The following SLX4IP variants were observed in gnomAD, a reference collection of about 807,000 sequenced individuals.
SLX4IP encodes protein SLX4IP.
Under a neutral mutation model 32.9 loss-of-function variants are expected in SLX4IP, and 34 were observed. The ratio of observed to expected loss-of-function variants is 1.03; its 90% CI spans 0.79 to 1.38. The LOEUF (loss-of-function observed/expected upper bound fraction) is 1.38. Ranked by LOEUF, SLX4IP falls within the 40% of genes most tolerant of loss-of-function variation. The probability of loss-of-function intolerance (pLI) is 0.00; values close to 1 mark genes in which losing one functional copy is unlikely to be tolerated. For synonymous variants in SLX4IP, 172 were observed against 171.7 expected, an observed-to-expected ratio of 1.00 and a Z score of -0.01; for missense variants, 444 against 479.0, an observed-to-expected ratio of 0.93 and a Z score of 0.68.
chr20:10,464,185 T>C (rs1371118011), intron 2 of SLX4IP, among the ~76,000 whole-genome samples: 3 of 151,896 alleles, frequency 2.0e-5, no homozygotes, highest in African/African-American at 7.3e-5. Flanking sequence ...ATTTTGTTTT[T>C]TTGTTTGTTT....
intron 5 of SLX4IP, among the ~76,000 whole-genome samples, chr20:10,599,867 G>T (rs2066821090): frequency 6.6e-6 from 1 of 152,038 alleles, no homozygotes; most frequent in African/African-American, 2.4e-5. Context: ...AGAGCAAAAG[G>T]GTACAGAAGT....
At chr20:10,606,422 G>C (rs2066906531) in intron 6 of SLX4IP, among the ~76,000 whole-genome samples, 1 of 152,048 alleles carries the variant, frequency 6.6e-6, no homozygotes, top group Non-Finnish European at 1.5e-5. Context: ...AATAAGTAGT[G>C]GATGACTTTT....
At chr20:10,561,901 T>G (rs1056637925) in intron 4 of SLX4IP, among the ~76,000 whole-genome samples, 1 of 152,226 alleles carries the variant, frequency 6.6e-6, no homozygotes, top group African/African-American at 2.4e-5. Flanking sequence ...TAATTTCCTT[T>G]GGGCTCATCC....
intron 1 of SLX4IP, among the ~76,000 whole-genome samples, chr20:10,443,103 G>A (rs536717410): frequency 1.3e-5 from 2 of 152,148 alleles, no homozygotes; most frequent in African/African-American, 4.8e-5. Flanking sequence ...TATAACTGAA[G>A]TATTATTTAT....
chr20:10,533,008 C>G (rs1600971354), intron 2 of SLX4IP, among the ~76,000 whole-genome samples: 1 of 152,106 alleles, frequency 6.6e-6, no homozygotes, highest in East Asian at 1.9e-4. Flanking sequence ...AACTCCTGAC[C>G]TCGTGATTTG....
At chr20:10,496,844 T>G (rs2065672460) in intron 2 of SLX4IP, among the ~76,000 whole-genome samples, 1 of 152,180 alleles carries the variant, frequency 6.6e-6, no homozygotes, top group South Asian at 2.1e-4. Flanking sequence ...TCATCTACAG[T>G]ATCTCTCATG....
At chr20:10,610,784 T>C (rs2122559763) in intron 6 of SLX4IP, among the ~76,000 whole-genome samples, 1 of 152,372 alleles carries the variant, frequency 6.6e-6, no homozygotes, top group Non-Finnish European at 1.5e-5. Flanking sequence ...CATGCTTGTG[T>C]GTTTCCATCT....
intron 1 of SLX4IP, among the ~76,000 whole-genome samples, chr20:10,457,660 G>A (rs1049359285): frequency 6.6e-6 from 1 of 151,786 alleles, no homozygotes; most frequent in African/African-American, 2.4e-5. Flanking sequence ...TTGATGTGTG[G>A]TTTTCTTGTG....
intron 2 of SLX4IP, among the ~76,000 whole-genome samples, chr20:10,466,003 G>T (rs2065377656): frequency 6.6e-6 from 1 of 152,192 alleles, no homozygotes; most frequent in South Asian, 2.1e-4. Flanking sequence ...TGCAGGTGTG[G>T]GGTAAGTTAG....
At chr20:10,502,500 C>G (rs576257665) in intron 2 of SLX4IP, among the ~76,000 whole-genome samples, 2 of 152,060 alleles carry the variant, frequency 1.3e-5, no homozygotes, top group Non-Finnish European at 2.9e-5. Flanking sequence ...GCTCACAAAC[C>G]CACTCACTTT....
intron 2 of SLX4IP, among the ~76,000 whole-genome samples, chr20:10,496,976 T>A (rs1025727932): frequency 6.6e-6 from 1 of 152,250 alleles, no homozygotes; most frequent in Non-Finnish European, 1.5e-5. Flanking sequence ...CAGTGTTTTC[T>A]TAATATAAAA....
chr20:10,513,760 G>A (rs1258913982), intron 2 of SLX4IP, among the ~76,000 whole-genome samples: 1 of 152,208 alleles, frequency 6.6e-6, no homozygotes, highest in Admixed American at 6.5e-5. Flanking sequence ...TTGCCCCTCT[G>A]CAGCAGAGTA....
intron 2 of SLX4IP, among the ~76,000 whole-genome samples, chr20:10,507,881 G>A (rs376289255): frequency 8.9e-4 from 133 of 149,616 alleles, no homozygotes; most frequent in African/African-American, 2.8e-3. Context: ...AGGCATACAA[G>A]GAGCAGAGGG....
chr20:10,602,285 CCTCT>C lies in SLX4IP; in HGVS notation c.405+485_405+488del, dbSNP rs141021766. On this transcript the variant is annotated intron_variant, in intron 6 of 7. Transcript: ENST00000334534. ...CATAGCTGATAGGGTTCATTTTCTC[CCTCT>C]CTCTCTCTCTCTCTCTCTGTCTCTC... Among the ~76,000 whole-genome samples the C allele has an allele frequency of 8.2e-4, 121 of 147,484 alleles. No individual in the cohort carries two copies. The East Asian group carries it at 0.014, about 17-fold the overall frequency.
At position 10,518,479 on chromosome 20, in the gene SLX4IP, T is replaced by TCC. The variant is rs1568720258; in HGVS notation, c.28-37752_28-37751insCC. ...CCTTCCTTCCTTTCCTTTCTTTTCC[T>TCC]TTCCTTTCCTTTTCCTTCCTTCCTT... On this transcript the variant is annotated intron_variant, in intron 2 of 7. Transcript: ENST00000334534. Among the ~76,000 whole-genome samples the TCC allele has an allele frequency of 2.5e-3, 112 of 45,192 alleles. 2 individuals are homozygous for TCC. The highest frequency in any genetic ancestry group is 3.7e-3 in the Non-Finnish European group (62 of 16,934). 29.6% of individuals were successfully genotyped at this position (45,192 alleles called of 152,430 possible). A position where few individuals can be genotyped will look rare whatever the true frequency, so the allele number is the denominator to read the frequency against.
At chr20:10,569,175 ATTTTTTT>A (rs555310488) in intron 4 of SLX4IP, among the ~76,000 whole-genome samples, 1 of 129,950 alleles carries the variant, frequency 7.7e-6, no homozygotes, top group African/African-American at 2.9e-5. Context: ...CCAGATCTAG[ATTTTTTT>A]TTTTTTTTTT....
At chr20:10,466,074 T>C (rs1363225684) in intron 2 of SLX4IP, among the ~76,000 whole-genome samples, 2 of 152,202 alleles carry the variant, frequency 1.3e-5, no homozygotes, top group African/African-American at 4.8e-5. Context: ...AATGTAATAG[T>C]CATGAATGTT....
intron 1 of SLX4IP, among the ~76,000 whole-genome samples, chr20:10,455,771 A>G (rs1320876747): frequency 3.9e-5 from 6 of 151,954 alleles, no homozygotes; most frequent in African/African-American, 1.5e-4. Flanking sequence ...CACCACACCC[A>G]GCTAATTTTT....
intron 2 of SLX4IP, among the ~76,000 whole-genome samples, chr20:10,499,428 C>T (rs1600933192): frequency 1.3e-5 from 2 of 152,260 alleles, no homozygotes; most frequent in African/African-American, 4.8e-5. Context: ...CAATTCTAGA[C>T]AATTCATTGC....
Sources: gnomAD v4.1 joint callset for allele counts (sites outside exome capture counted in the v4.1 genomes callset) on GRCh38, gnomAD v4.1.1 for gene constraint, MANE v1.5 for transcripts, NCBI Gene and HGNC (gene_info 2026-07-23, HGNC 2026-07-21) for gene names.